Variants in CHIT1 observed in about 807,000 individuals in gnomAD.
CHIT1 encodes chitinase 1.
In CHIT1, 47 loss-of-function variants were observed where a neutral mutation model predicts 52.0. The observed-to-expected ratio is 0.90, with a 90% CI of 0.71 to 1.15. CHIT1 has a LOEUF of 1.15. Among genes scored for constraint, CHIT1 ranks in the 50% most tolerant of loss-of-function variants. The probability of loss-of-function intolerance (pLI) is 0.00; values close to 1 mark genes in which losing one functional copy is unlikely to be tolerated. For missense variants in CHIT1, 569 were observed against 583.0 expected (o/e 0.98, Z 0.25); for synonymous variants, 242 against 228.2 (o/e 1.06, Z -0.54).
chr1:203,219,313 C>T lies in CHIT1; in HGVS notation c.932G>A (p.Gly311Glu), dbSNP rs772848425. The T allele has an allele frequency of 2.5e-6, 4 of 1,608,680 alleles. No homozygotes were observed. In the South Asian group the frequency reaches 3.3e-5, roughly 13 times the overall value. ...ATCCTGGATTCTCTGTTTGGTGGCC[C>T]CCTTCCAGGAGCAGACCTGTGGGAG... ...LAYYEVCSWKGATKQRIQDQK... is the reference protein window; with the variant it reads ...LAYYEVCSWKEATKQRIQDQK... Residue 311 changes from glycine to glutamate, a missense_variant, in exon 9 of 11, where the codon GGG becomes GAG. Coordinates refer to ENST00000367229, the MANE Select transcript of CHIT1 (RefSeq NM_003465.3).
intron 8 of CHIT1, 129 bp from the exon 9 acceptor site, chr1:203,219,458 T>A: frequency 1.2e-6 from 1 of 865,984 alleles, no homozygotes; most frequent in Non-Finnish European, 1.9e-6. Context: ...CAGGAGGTTC[T>A]TTGCAGTGAC....
At chr1:203,217,267 AC>A (rs1656568141) in intron 10 of CHIT1, 134 bp from the exon 11 acceptor site, 3 of 1,567,516 alleles carry the variant, frequency 1.9e-6, no homozygotes, top group Non-Finnish European at 2.6e-6. Flanking sequence ...ACAGCCAGAT[AC>A]CCCAGGCAGA....
chr1:203,219,561 G>T, intron 8 of CHIT1, 103 bp downstream of exon 8: 1 of 1,350,210 alleles, frequency 7.4e-7, no homozygotes, highest in Non-Finnish European at 1.1e-6. Flanking sequence ...AGAATTCTCT[G>T]CAATTGGCAT....
Position 203,219,647 on chromosome 1 carries a change from G to T in CHIT1, c.915+17C>A. On this transcript the variant is annotated intron_variant, in intron 8 of 10. Coordinates refer to ENST00000367229, the MANE Select transcript of CHIT1 (RefSeq NM_003465.3). Reference sequence around the variant, plus strand: ...CCTGACCCTCACAATACCCAGGGTGGTTATGGGTTTTCCTACTTCATAGTA... The same window carrying T: ...CCTGACCCTCACAATACCCAGGGTGTTTATGGGTTTTCCTACTTCATAGTA... 1 of 1,613,898 alleles carries T rather than the reference G, an allele frequency of 6.2e-7. No individual in the cohort carries two copies.
intron 7 of CHIT1, among the ~76,000 whole-genome samples, chr1:203,221,096 C>T (rs1222176329): frequency 6.6e-6 from 1 of 152,188 alleles, no homozygotes; most frequent in Non-Finnish European, 1.5e-5. Flanking sequence ...ATGTGGGTGC[C>T]TGGCTCACTG....
intron 4 of CHIT1, among the ~76,000 whole-genome samples, chr1:203,223,899 C>T (rs1443893522): frequency 6.6e-6 from 1 of 152,138 alleles, no homozygotes; most frequent in East Asian, 1.9e-4. Context: ...ACCAGGGGCA[C>T]ATGGACACCC....
intron 10 of CHIT1, 78 bp from the exon 11 acceptor site, chr1:203,217,211 C>A: frequency 6.3e-7 from 1 of 1,597,394 alleles, no homozygotes. Context: ...CAGGCAGCAA[C>A]CATTGGCTGG....
In CHIT1 at chr1:203,216,773, G is replaced by A. The variant is rs754831649; in HGVS notation, c.*116C>T. On this transcript the variant is annotated 3_prime_UTR_variant, in exon 11 of 11. Coordinates refer to ENST00000367229, the MANE Select transcript of CHIT1 (RefSeq NM_003465.3). ...AGAGCAGAAAGCCTGGATAAAGGAAGACCACAGAAAGGCCTGCAGGAGCCA... is the reference window on the plus strand; with the variant it reads ...AGAGCAGAAAGCCTGGATAAAGGAAAACCACAGAAAGGCCTGCAGGAGCCA... 12 of 1,378,152 alleles carry A rather than the reference G, an allele frequency of 8.7e-6. No homozygotes were observed. The highest frequency in any genetic ancestry group is 2.5e-4 in the Middle Eastern group (1 of 4,018). 85.4% of individuals were successfully genotyped at this position (1,378,152 alleles called of 1,614,324 possible).
At chr1:203,222,161 T>C in intron 7 of CHIT1, 41 bp downstream of exon 7, 6 of 1,612,628 alleles carry the variant, frequency 3.7e-6, no homozygotes, top group South Asian at 1.1e-5. Context: ...CAGGGCCTGC[T>C]GGACAGGGGA....
chr1:203,225,157 C>A (rs1408879512), intron 3 of CHIT1, 53 bp from the exon 4 acceptor site: 18 of 1,566,822 alleles, frequency 1.1e-5, no homozygotes. Context: ...CCCAGGGCAC[C>A]CTGGCAGGGA....
At chr1:203,219,892 G>C (rs758695518) in intron 7 of CHIT1, 43 bp from the exon 8 acceptor site, 2 of 1,606,150 alleles carry the variant, frequency 1.2e-6, no homozygotes, top group East Asian at 2.2e-5. Flanking sequence ...CCCTCAGCCT[G>C]GTTCTGATTA....
rs574974603 is a variant in CHIT1, at chr1:203,223,154, C to A, written c.586G>T (p.Glu196Ter). Residue 196 changes from glutamate (E) to a stop codon, truncating the protein, a stop_gained, in exon 6 of 11, where the codon GAG (glutamate) becomes TAG (stop). Coordinates refer to ENST00000367229, the MANE Select transcript of CHIT1 (RefSeq NM_003465.3). LOFTEE classifies it high-confidence loss of function. ...AGQTYVDAGY[E>*]VDKIAQNLDF... is the part of the protein sequence containing the mutation. ...ACTCACTGGGCGATTTTGTCCACCT[C>A]GTATCCAGCATCCACATAGGTCTGC... 1.2e-6 allele frequency: 2 copies of A among 1,614,072 alleles called. No homozygotes were observed. Among genetic ancestry groups the A allele is most frequent in the African/African-American group, 1.3e-5 (1 of 74,942 alleles).
chr1:203,228,440 G>A, intron 2 of CHIT1, 93 bp downstream of exon 2: 1 of 1,323,790 alleles, frequency 7.6e-7, no homozygotes, highest in Non-Finnish European at 1.1e-6. Context: ...CTGAAATCTG[G>A]AGCTCTTGGG....
intron 10 of CHIT1, 135 bp from the exon 11 acceptor site, chr1:203,217,268 C>G (rs1205696018): frequency 5.7e-6 from 9 of 1,567,684 alleles, no homozygotes; most frequent in Non-Finnish European, 7.7e-6. Context: ...CAGCCAGATA[C>G]CCCAGGCAGA....
intron 10 of CHIT1, 47 bp downstream of exon 10, chr1:203,217,692 G>A (rs1173559708): frequency 6.2e-7 from 1 of 1,613,592 alleles, no homozygotes; most frequent in Non-Finnish European, 8.5e-7. Context: ...AGCTGTGTTT[G>A]TACCCCACCT....
intron 1 of CHIT1, among the ~76,000 whole-genome samples, chr1:203,228,867 T>G (rs1221968970): frequency 6.6e-6 from 1 of 152,200 alleles, no homozygotes; most frequent in Non-Finnish European, 1.5e-5. Context: ...GAAAAACTGC[T>G]GACTTGTGAG....
In CHIT1 at chr1:203,222,273, T is replaced by C. The variant is rs1169404531; in HGVS notation, c.658A>G (p.Lys220Glu). Residue 220 changes from lysine (K) to glutamate (E), a missense_variant, in exon 7 of 11, where the codon AAG (lysine) becomes GAG (glutamate). By Grantham distance (56) the Lys-to-Glu change is moderately conservative. Coordinates refer to ENST00000367229, the MANE Select transcript of CHIT1 (RefSeq NM_003465.3). ...MAYDFHGSWE[K>E]VTGHNSPLYK... ...AGGGGGCTGTTATGTCCCGTGACCT[T>C]CTCCCAAGAGCCATGGAAGTCGTAG... 1.2e-6 allele frequency: 2 copies of C among 1,614,024 alleles called. No individual in the cohort carries two copies. The highest frequency in any genetic ancestry group is 2.7e-5 in the African/African-American group (2 of 74,902).
rs774816645 is a variant in CHIT1, at chr1:203,225,811, C to G, written c.115G>C (p.Ala39Pro). The change falls in exon 3 of 11, where the codon GCT becomes CCT. Residue 39 changes from alanine to proline, a missense_variant. Ala to Pro is a conservative substitution (Grantham distance 27). Coordinates refer to ENST00000367229, the MANE Select transcript of CHIT1 (RefSeq NM_003465.3). Reference protein sequence around the residue: ...TNWAQYRQGEARFLPKDLDPS... With the variant: ...TNWAQYRQGEPRFLPKDLDPS... Reference sequence around the variant, plus strand: ...TCCAAGTCCTTGGGCAGGAAGCGAGCCTCCCCCTGTCTGTACTGGGCCCAG... The same window carrying G: ...TCCAAGTCCTTGGGCAGGAAGCGAGGCTCCCCCTGTCTGTACTGGGCCCAG... 28 of 1,614,084 alleles carry G rather than the reference C, an allele frequency of 1.7e-5. No homozygotes were observed. Among genetic ancestry groups the G allele is most frequent in the Non-Finnish European group, 3.4e-6 (4 of 1,180,046 alleles).
chr1:203,223,759 CT>C, intron 4 of CHIT1, 99 bp from the exon 5 acceptor site: 1 of 1,271,954 alleles, frequency 7.9e-7, no homozygotes, highest in South Asian at 1.2e-5. Flanking sequence ...CAGTGCGTCT[CT>C]GTGTCTGGGC....
Sources: allele counts gnomAD v4.1 joint callset (sites outside exome capture counted in the v4.1 genomes callset), GRCh38; gene constraint gnomAD v4.1.1; transcripts MANE v1.5; gene names NCBI Gene and HGNC (gene_info 2026-07-23, HGNC 2026-07-21).